Variants in EFNA3 observed in about 807,000 individuals in gnomAD.
EFNA3 encodes ephrin-A3.
A neutral mutation model predicts 25.0 loss-of-function variants in EFNA3; 15 were observed. That is an observed-to-expected ratio of 0.60 (90% CI 0.40 to 0.92). The LOEUF (loss-of-function observed/expected upper bound fraction) is 0.92. Among genes scored for constraint, EFNA3 ranks in the 40% least tolerant of loss-of-function variants. EFNA3 has a pLI of 0.00. For missense variants in EFNA3, 298 were observed against 323.8 expected (o/e 0.92, Z 0.61); for synonymous variants, 153 against 145.6 (o/e 1.05, Z -0.37).
Position 155,085,326 on chromosome 1 carries a change from T to G in EFNA3, c.364T>G (p.Phe122Val). 2 of 1,613,098 alleles carry G rather than the reference T, an allele frequency of 1.2e-6. No homozygotes were observed. The highest frequency in any genetic ancestry group is 1.7e-6 in the Non-Finnish European group (2 of 1,179,582). Reference protein sequence around the residue: ...RPHAPHSPIKFSEKFQRYSAF... With the variant: ...RPHAPHSPIKVSEKFQRYSAF... ...GCACGCCCCGCACAGCCCCATCAAG[T>G]TCTCGGAGAAGTTCCAGCGCTACAG... Residue 122 changes from phenylalanine to valine, a missense_variant, in exon 2 of 5, where the codon TTC (phenylalanine) becomes GTC (valine). By Grantham distance (50) the Phe-to-Val change is conservative. Coordinates refer to ENST00000368408, the MANE Select transcript of EFNA3 (RefSeq NM_004952.5). The surrounding 1 kb of genome is among the most constrained non-coding windows in gnomAD (Gnocchi z 4.4).
At position 155,080,173 on chromosome 1, in the gene EFNA3, T is replaced by A. The variant is rs1663314332; in HGVS notation, c.128+1104T>A. On this transcript the variant is annotated intron_variant, in intron 1 of 4. Transcript: ENST00000368408. The surrounding 1 kb of genome is among the most constrained non-coding windows in gnomAD (Gnocchi z 7.0). Reference sequence around the variant, plus strand: ...CCTGCCCGGGCGGTGGCGGCAGCACTGCCTCTGGCTGCCCACCCCAGGGAC... The same window carrying A: ...CCTGCCCGGGCGGTGGCGGCAGCACAGCCTCTGGCTGCCCACCCCAGGGAC... 6.6e-6 allele frequency among the ~76,000 whole-genome samples: 1 copy of A among 152,086 alleles called. No homozygotes were observed. The highest frequency in any genetic ancestry group is 2.1e-4 in the South Asian group (1 of 4,834).
chr1:155,086,114 A>ACCC lies in EFNA3; in HGVS notation c.509-12_509-10dup. On this transcript the variant is annotated splice_polypyrimidine_tract_variant and intron_variant, in intron 3 of 4. Coordinates refer to ENST00000368408, the MANE Select transcript of EFNA3 (RefSeq NM_004952.5). ...TCTCCCCTCCTCTCTCCCCACCCGCACCCCACCCCGCAGCATCGCACTCCG... is the reference window on the plus strand; with the variant it reads ...TCTCCCCTCCTCTCTCCCCACCCGCACCCCCCCACCCCGCAGCATCGCACTCCG... 1 of 1,066,106 alleles carries ACCC rather than the reference A, an allele frequency of 9.4e-7. No individual in the cohort carries two copies. Among genetic ancestry groups the ACCC allele is most frequent in the Non-Finnish European group, 1.4e-6 (1 of 738,120 alleles). 66.0% of individuals were successfully genotyped at this position (1,066,106 alleles called of 1,614,324 possible). A position where few individuals can be genotyped will look rare whatever the true frequency, so the allele number is the denominator to read the frequency against.
At chr1:155,086,270 C>T in intron 4 of EFNA3, 65 bp downstream of exon 4, 2 of 1,598,648 alleles carry the variant, frequency 1.3e-6, no homozygotes, top group East Asian at 2.2e-5. Context: ...CCGGTGCCTG[C>T]TCACCTCGCA....
In EFNA3 at chr1:155,085,567, C is replaced by A; in HGVS notation, c.442+163C>A. On this transcript the variant is annotated intron_variant, in intron 2 of 4. Transcript: ENST00000368408. The surrounding 1 kb of genome is among the most constrained non-coding windows in gnomAD (Gnocchi z 4.4). The stretch of plus-strand genomic sequence containing the variant: ...GGCACGGGACGCCTGAGGGGTTCAG[C>A]TCAGACGAGGTCGTGGGGCCAAGAG... The A allele has an allele frequency of 1.1e-6, 1 of 907,022 alleles. No homozygotes were observed. Among genetic ancestry groups the A allele is most frequent in the Non-Finnish European group, 1.6e-6 (1 of 616,572 alleles). The allele number at this position is 907,022 out of a possible 1,614,324, so 56.2% of individuals were successfully genotyped here.
At position 155,081,320 on chromosome 1, in the gene EFNA3, G is replaced by T. The variant is rs1663339520; in HGVS notation, c.128+2251G>T. 6.6e-6 allele frequency among the ~76,000 whole-genome samples: 1 copy of T among 152,246 alleles called. No homozygotes were observed. Among genetic ancestry groups the T allele is most frequent in the African/African-American group, 2.4e-5 (1 of 41,460 alleles). The stretch of plus-strand genomic sequence containing the variant: ...ATTGGAGCGATGCATTAGAGTATGA[G>T]GTCGAGGAGTCCCCTAAGCCGGGAA... On this transcript the variant is annotated intron_variant, in intron 1 of 4. Transcript: ENST00000368408. This position sits in a 1 kb window ranked among gnomAD's most constrained non-coding sequence, Gnocchi z 5.2.
intron 1 of EFNA3, among the ~76,000 whole-genome samples, chr1:155,084,066 T>C (rs1275238609): frequency 6.6e-6 from 1 of 152,172 alleles, no homozygotes; most frequent in Admixed American, 6.5e-5. Context: ...AGCATCTGCT[T>C]CTCTGTCCCA....
At position 155,087,036 on chromosome 1, in the gene EFNA3, T is replaced by TC. The variant is rs1663486970; in HGVS notation, c.*498dup. On this transcript the variant is annotated 3_prime_UTR_variant, in exon 5 of 5. Transcript: ENST00000368408. ...GTTTACAGCAATAAGCACGTCCTCC[T>TC]CCCCCACTCCCACTTCCAGGATTGT... 6.5e-6 allele frequency: 1 copy of TC among 154,058 alleles called. No individual in the cohort carries two copies. The highest frequency in any genetic ancestry group is 1.9e-4 in the South Asian group (1 of 5,164). The allele number at this position is 154,058 out of a possible 1,614,324, so 9.5% of individuals were successfully genotyped here.
Position 155,085,499 on chromosome 1 carries a change from G to T in EFNA3, c.442+95G>T. Reference sequence around the variant, plus strand: ...CTAGGCTCCGGGGCGGGGCCGGCGCGGCGGGCGCCAGGTCTCGCGGCTGAG... The same window carrying T: ...CTAGGCTCCGGGGCGGGGCCGGCGCTGCGGGCGCCAGGTCTCGCGGCTGAG... On this transcript the variant is annotated intron_variant, in intron 2 of 4. Transcript: ENST00000368408. The surrounding 1 kb of genome is among the most constrained non-coding windows in gnomAD (Gnocchi z 4.4). The T allele has an allele frequency of 2.1e-6, 3 of 1,411,992 alleles. No individual in the cohort carries two copies. The highest frequency in any genetic ancestry group is 1.9e-6 in the Non-Finnish European group (2 of 1,067,926). 87.5% of individuals were successfully genotyped at this position (1,411,992 alleles called of 1,614,324 possible). A position where few individuals can be genotyped will look rare whatever the true frequency, so the allele number is the denominator to read the frequency against.
rs1303905879 is a variant in EFNA3 at position 155,081,432 on chromosome 1, G to A, written c.128+2363G>A. 6.6e-6 allele frequency among the ~76,000 whole-genome samples: 1 copy of A among 152,232 alleles called. No individual in the cohort carries two copies. The highest frequency in any genetic ancestry group is 1.9e-4 in the East Asian group (1 of 5,200). On this transcript the variant is annotated intron_variant, in intron 1 of 4. Coordinates refer to ENST00000368408, the MANE Select transcript of EFNA3 (RefSeq NM_004952.5). This position sits in a 1 kb window ranked among gnomAD's most constrained non-coding sequence, Gnocchi z 5.2. Reference sequence around the variant, plus strand: ...TTCATTTCTTTGCAGAACTGAGCAAGGATGTTGGTATTTGCTCCGTTCTCA... The same window carrying A: ...TTCATTTCTTTGCAGAACTGAGCAAAGATGTTGGTATTTGCTCCGTTCTCA...
At position 155,086,635 on chromosome 1, in the gene EFNA3, AG is replaced by A; in HGVS notation, c.*93del. 6.7e-7 allele frequency: 1 copy of A among 1,500,406 alleles called. No individual in the cohort carries two copies. The highest frequency in any genetic ancestry group is 9.0e-7 in the Non-Finnish European group (1 of 1,112,424). The allele number at this position is 1,500,406 out of a possible 1,614,324, so 92.9% of individuals were successfully genotyped here. On this transcript the variant is annotated 3_prime_UTR_variant, in exon 5 of 5. Transcript: ENST00000368408. Reference sequence around the variant, plus strand: ...TCTCCAAGGGAAGCCTAGTGGGCCTAGACCCCTCCTCCCATGGCTAGAAGTG... The same window carrying A: ...TCTCCAAGGGAAGCCTAGTGGGCCTAACCCCTCCTCCCATGGCTAGAAGTG...
chr1:155,084,242 C>G (rs1165541760), intron 1 of EFNA3, among the ~76,000 whole-genome samples: 4 of 152,352 alleles, frequency 2.6e-5, no homozygotes, highest in East Asian at 1.9e-4. Context: ...AGTCTTGGTA[C>G]TGAGTCCCTT....
Position 155,079,275 on chromosome 1 carries a change from G to T in EFNA3, c.128+206G>T, listed in dbSNP as rs1439711066. Among the ~76,000 whole-genome samples, 3 of 152,120 alleles carry T rather than the reference G, an allele frequency of 2.0e-5. No individual in the cohort carries two copies. The highest frequency in any genetic ancestry group is 4.4e-5 in the Non-Finnish European group (3 of 68,002). On this transcript the variant is annotated intron_variant, in intron 1 of 4. Transcript: ENST00000368408. The surrounding 1 kb of genome is among the most constrained non-coding windows in gnomAD (Gnocchi z 7.7). ...AGGCTGTTGGGCTATAGTAAGGAGCGCTCGGGCCGTGTGGAGGAGGCTGCT... is the reference window on the plus strand; with the variant it reads ...AGGCTGTTGGGCTATAGTAAGGAGCTCTCGGGCCGTGTGGAGGAGGCTGCT...
At position 155,079,934 on chromosome 1, in the gene EFNA3, C is replaced by A. The variant is rs1020585241; in HGVS notation, c.128+865C>A. ...GGGTGGCTGTTGGCGCCGCCGCGGT[C>A]TGGGCGGGTGTCAGGGCGGCCGTGT... is the stretch of plus-strand genomic sequence containing the variant. On this transcript the variant is annotated intron_variant, in intron 1 of 4. Transcript: ENST00000368408. The surrounding 1 kb of genome is among the most constrained non-coding windows in gnomAD (Gnocchi z 7.7). 1.3e-5 allele frequency among the ~76,000 whole-genome samples: 2 copies of A among 151,976 alleles called. No homozygotes were observed. The highest frequency in any genetic ancestry group is 2.4e-5 in the African/African-American group (1 of 41,366).
At chr1:155,084,228 G>A (rs1404876201) in intron 1 of EFNA3, among the ~76,000 whole-genome samples, 1 of 152,278 alleles carries the variant, frequency 6.6e-6, no homozygotes, top group East Asian at 1.9e-4. Context: ...ATGATGCCAT[G>A]TGGAGTCTTG....
chr1:155,084,161 G>A (rs1663399622), intron 1 of EFNA3, among the ~76,000 whole-genome samples: 1 of 152,256 alleles, frequency 6.6e-6, no homozygotes, highest in Non-Finnish European at 1.5e-5. Context: ...AAGGGGGGCC[G>A]TTGTGCCAGG....
rs1663335618 is a variant in EFNA3, at chr1:155,081,176, G to T, written c.128+2107G>T. ...CTCCTTTGACAGACCTGGGGACTGT[G>T]CCTTGCACACCGGCCGCGACCTAGC... On this transcript the variant is annotated intron_variant, in intron 1 of 4. Transcript: ENST00000368408. The surrounding 1 kb of genome is among the most constrained non-coding windows in gnomAD (Gnocchi z 5.2). 6.6e-6 allele frequency among the ~76,000 whole-genome samples: 1 copy of T among 152,230 alleles called. No individual in the cohort carries two copies. Among genetic ancestry groups the T allele is most frequent in the Non-Finnish European group, 1.5e-5 (1 of 68,034 alleles).
intron 1 of EFNA3, among the ~76,000 whole-genome samples, chr1:155,083,362 G>A (rs1325942883): frequency 6.6e-6 from 1 of 152,206 alleles, no homozygotes; most frequent in East Asian, 1.9e-4. Flanking sequence ...CTGTGGGTTG[G>A]TGACGGACAG....
At chr1:155,083,219 G>C (rs1372008620) in intron 1 of EFNA3, among the ~76,000 whole-genome samples, 4 of 152,232 alleles carry the variant, frequency 2.6e-5, no homozygotes, top group African/African-American at 7.2e-5. Flanking sequence ...GCAGGGAGGG[G>C]CTGCTTCAGA....
chr1:155,083,957 G>A (rs1663390544), intron 1 of EFNA3, among the ~76,000 whole-genome samples: 1 of 152,184 alleles, frequency 6.6e-6, no homozygotes, highest in Admixed American at 6.5e-5. Context: ...TCCATTCAGA[G>A]GTTTCTCCAT....
Sources: gnomAD v4.1 joint callset for allele counts (sites outside exome capture counted in the v4.1 genomes callset) on GRCh38, gnomAD v4.1.1 for gene constraint, Gnocchi (gnomAD v3.1) non-coding constraint, MANE v1.5 for transcripts, NCBI Gene and HGNC (gene_info 2026-07-23, HGNC 2026-07-21) for gene names.